DCDC1: variants seen among roughly 807,000 people sequenced by gnomAD.
DCDC1 encodes the protein doublecortin domain-containing protein 1.
In DCDC1, 200 loss-of-function variants were observed where a neutral mutation model predicts 178.3. The observed-to-expected ratio is 1.12, with a 90% CI of 1.00 to 1.26. The LOEUF is 1.26. Ranked by LOEUF, DCDC1 falls within the 50% of genes most tolerant of loss-of-function variation. The pLI is 0.00. For synonymous variants in DCDC1, 690 were observed against 604.8 expected, an observed-to-expected ratio of 1.14 and a Z score of -2.07; for missense variants, 1,983 against 1,749.2, an observed-to-expected ratio of 1.13 and a Z score of -2.38.
intron 21 of DCDC1, among the ~76,000 whole-genome samples, chr11:30,945,769 TATAG>T (rs1273000331): frequency 3.2e-4 from 48 of 152,096 alleles, no homozygotes; most frequent in African/African-American, 9.6e-4. Flanking sequence ...TCTATCTATC[TATAG>T]ATAGATATGC....
At chr11:31,309,588 G>T (rs1459582011) in intron 3 of DCDC1, among the ~76,000 whole-genome samples, 1 of 152,112 alleles carries the variant, frequency 6.6e-6, no homozygotes, top group Non-Finnish European at 1.5e-5. Context: ...TTCATAAACA[G>T]TTCCAAGTTT....
chr11:31,352,117 C>A (rs541819504), intron 1 of DCDC1, among the ~76,000 whole-genome samples: 15 of 152,190 alleles, frequency 9.9e-5, no homozygotes, highest in African/African-American at 3.6e-4. Flanking sequence ...GTAATATTCT[C>A]CTGGGGTGAA....
intron 20 of DCDC1, among the ~76,000 whole-genome samples, chr11:30,977,818 A>G (rs913485480): frequency 6.6e-6 from 1 of 152,072 alleles, no homozygotes; most frequent in African/African-American, 2.4e-5. Context: ...ATTCCCAGCT[A>G]CTCGTGGGTG....
intron 20 of DCDC1, among the ~76,000 whole-genome samples, chr11:30,999,175 G>C (rs536591526): frequency 6.6e-6 from 1 of 152,298 alleles, no homozygotes; most frequent in East Asian, 1.9e-4. Flanking sequence ...TGAAGGCAGT[G>C]TGGTATCCTG....
chr11:31,309,656 C>T (rs1307057414), intron 3 of DCDC1, among the ~76,000 whole-genome samples: 2 of 151,866 alleles, frequency 1.3e-5, no homozygotes, highest in African/African-American at 4.8e-5. Context: ...AATGGAATTC[C>T]CTACTTAAAA....
intron 9 of DCDC1, among the ~76,000 whole-genome samples, chr11:31,169,481 C>G (rs1966942439): frequency 6.6e-6 from 1 of 152,086 alleles, no homozygotes; most frequent in Admixed American, 6.5e-5. Flanking sequence ...AAAATGAACA[C>G]TTAGTCAGAA....
intron 9 of DCDC1, among the ~76,000 whole-genome samples, chr11:31,173,091 T>A (rs751732484): frequency 8.5e-5 from 13 of 152,218 alleles, no homozygotes; most frequent in Admixed American, 3.3e-4. Flanking sequence ...GGATTATGTA[T>A]CAATGCCTGA....
intron 7 of DCDC1, among the ~76,000 whole-genome samples, chr11:31,267,267 C>T (rs897641803): frequency 1.3e-5 from 2 of 151,992 alleles, no homozygotes; most frequent in South Asian, 4.1e-4. Context: ...CTCAGCTCAC[C>T]GCAACCTCCG....
intron 9 of DCDC1, among the ~76,000 whole-genome samples, chr11:31,149,573 T>C (rs192093680): frequency 6.6e-6 from 1 of 152,156 alleles, no homozygotes; most frequent in East Asian, 1.9e-4. Context: ...TCTTTTGCTC[T>C]TCACAATTAA....
chr11:30,909,222 C>T, intron 28 of DCDC1, 106 bp from the exon 29 acceptor site: 1 of 929,456 alleles, frequency 1.1e-6, no homozygotes, highest in East Asian at 2.8e-5. Context: ...ACTCATAATC[C>T]CACCACACAG....
At chr11:31,019,573 T>G (rs115903303) in intron 20 of DCDC1, among the ~76,000 whole-genome samples, 1 of 152,196 alleles carries the variant, frequency 6.6e-6, no homozygotes, top group South Asian at 2.1e-4. Flanking sequence ...TTTATATTTT[T>G]TTAAAATCCT....
intron 1 of DCDC1, among the ~76,000 whole-genome samples, chr11:31,349,826 C>A (rs1350860060): frequency 3.9e-5 from 6 of 151,964 alleles, no homozygotes; most frequent in African/African-American, 1.5e-4. Context: ...CATAGCAAGA[C>A]CCAGCCTCCA....
At chr11:31,090,558 G>T (rs1440802108) in intron 17 of DCDC1, among the ~76,000 whole-genome samples, 1 of 152,158 alleles carries the variant, frequency 6.6e-6, no homozygotes, top group Non-Finnish European at 1.5e-5. Context: ...TAGACACTTT[G>T]TTGTTAGAGT....
At chr11:31,105,840 C>T (rs1448457015) in intron 13 of DCDC1, among the ~76,000 whole-genome samples, 1 of 151,924 alleles carries the variant, frequency 6.6e-6, no homozygotes, top group East Asian at 1.9e-4. Context: ...ATCCAATAGC[C>T]CTTGCTTTGC....
intron 20 of DCDC1, among the ~76,000 whole-genome samples, chr11:30,969,812 T>C (rs1262569219): frequency 3.9e-5 from 6 of 152,238 alleles, no homozygotes; most frequent in African/African-American, 1.4e-4. Context: ...AATTTTTATG[T>C]CCTAATTTTC....
chr11:30,891,877 T>C (rs558243309), intron 36 of DCDC1, among the ~76,000 whole-genome samples: 2 of 152,272 alleles, frequency 1.3e-5, no homozygotes, highest in Non-Finnish European at 2.9e-5. Flanking sequence ...CCCTTACACT[T>C]TGTAACTGGA....
chr11:31,362,680 G>A (rs553116959), intron 1 of DCDC1, among the ~76,000 whole-genome samples: 1 of 152,098 alleles, frequency 6.6e-6, no homozygotes. Context: ...AAAGACTAGA[G>A]TCATGGTGCT....
At chr11:30,929,880 T>C (rs1946825295) in intron 22 of DCDC1, among the ~76,000 whole-genome samples, 1 of 152,056 alleles carries the variant, frequency 6.6e-6, no homozygotes, top group Admixed American at 6.6e-5. Flanking sequence ...ACTAGAGTAA[T>C]AACCGACTAA....
chr11:30,916,770 A>T (rs758076582), intron 26 of DCDC1, 100 bp downstream of exon 26: 163 of 1,250,156 alleles, frequency 1.3e-4, no homozygotes, highest in Admixed American at 2.1e-4. Flanking sequence ...TAGAAACAGC[A>T]GCTAACAGCA....
Sources: gnomAD v4.1 joint callset for allele counts (sites outside exome capture counted in the v4.1 genomes callset) on GRCh38, gnomAD v4.1.1 for gene constraint, MANE v1.5 for transcripts, NCBI Gene and HGNC (gene_info 2026-07-23, HGNC 2026-07-21) for gene names.